Variants in NRG1 observed in about 807,000 individuals in gnomAD.
NRG1 encodes the protein pro-neuregulin-1, membrane-bound isoform.
In NRG1, 18 loss-of-function variants were observed where a neutral mutation model predicts 63.8. The observed-to-expected ratio is 0.28, with a 90% CI of 0.19 to 0.42. NRG1 has a LOEUF of 0.42. Ranked by LOEUF, NRG1 falls within the 10% of genes least tolerant of loss-of-function variation. The probability of loss-of-function intolerance (pLI) is 1.00; values close to 1 mark genes in which losing one functional copy is unlikely to be tolerated. For synonymous variants in NRG1, 302 were observed against 301.3 expected (o/e 1.00, Z -0.02); for missense variants, 762 against 814.7 (o/e 0.94, Z 0.79).
In NRG1 at chr8:32,290,906, G is replaced by T. The variant is rs529474540; in HGVS notation, c.38-304922G>T. Among the ~76,000 whole-genome samples the T allele has an allele frequency of 4.8e-5, 7 of 145,574 alleles. No individual in the cohort carries two copies. The South Asian group carries it at 1.1e-3, about 23-fold the overall frequency. ...TAGTTAGGGTTCTGCAGAGACACAG[G>T]ATGTGTGTGTGTGTGTGTGTGCATG... On this transcript the variant is annotated intron_variant, in intron 1 of 10. Coordinates refer to the NRG1 transcript ENST00000519301.
At chr8:32,096,157 C>T (rs1331986007) in intron 1 of NRG1, among the ~76,000 whole-genome samples, 1 of 152,180 alleles carries the variant, frequency 6.6e-6, no homozygotes, top group Non-Finnish European at 1.5e-5. Flanking sequence ...TGTATTTGAA[C>T]ACCAGGAGGA....
intron 1 of NRG1, among the ~76,000 whole-genome samples, chr8:31,868,609 T>G (rs776745045): frequency 6.6e-6 from 1 of 152,194 alleles, no homozygotes; most frequent in Non-Finnish European, 1.5e-5. Flanking sequence ...ATACTTAAGC[T>G]GTTTTGGTCT....
chr8:32,575,970 T>C (rs989221512), intron 1 of NRG1, among the ~76,000 whole-genome samples: 1 of 152,192 alleles, frequency 6.6e-6, no homozygotes, highest in Non-Finnish European at 1.5e-5. Context: ...TTAATATGTG[T>C]TTTATTTTTT....
rs548659866 is a variant in NRG1, at chr8:31,828,058, T to C, written c.37+188627T>C. On this transcript the variant is annotated intron_variant, in intron 1 of 10. Transcript: ENST00000519301. ...AATAATTTGAGCCTGCGAAGGTGCTTCTGCCACATATATTATCATAGTGTT... is the reference window on the plus strand; with the variant it reads ...AATAATTTGAGCCTGCGAAGGTGCTCCTGCCACATATATTATCATAGTGTT... 2.0e-5 allele frequency among the ~76,000 whole-genome samples: 3 copies of C among 152,348 alleles called. No homozygotes were observed. The East Asian group carries it at 5.8e-4, about 29-fold the overall frequency.
At chr8:31,881,068 C>A (rs914287154) in intron 1 of NRG1, among the ~76,000 whole-genome samples, 2 of 152,070 alleles carry the variant, frequency 1.3e-5, no homozygotes, top group African/African-American at 4.8e-5. Flanking sequence ...TTCATTTATT[C>A]AACATTTTTA....
At chr8:32,414,667 G>T (rs77437587) in intron 1 of NRG1, among the ~76,000 whole-genome samples, 2,525 of 152,208 alleles carry the variant, frequency 0.017, 71 homozygotes, top group African/African-American at 0.057. Context: ...TCTCCCTGTA[G>T]CAGGAGAGTA....
At chr8:32,495,245 C>T (rs1319169516) in intron 1 of NRG1, among the ~76,000 whole-genome samples, 2 of 152,138 alleles carry the variant, frequency 1.3e-5, no homozygotes, top group African/African-American at 4.8e-5. Context: ...GAAGGTCTTT[C>T]CTGTACTGTT....
chr8:32,321,677 A>G (rs1437457190), intron 1 of NRG1, among the ~76,000 whole-genome samples: 1 of 152,024 alleles, frequency 6.6e-6, no homozygotes, highest in Non-Finnish European at 1.5e-5. Context: ...AAACTGAGTA[A>G]TCATTGAAGA....
chr8:32,483,906 C>A (rs939974867), intron 1 of NRG1, among the ~76,000 whole-genome samples: 1 of 152,096 alleles, frequency 6.6e-6, no homozygotes, highest in Non-Finnish European at 1.5e-5. Context: ...AGATCGAGAC[C>A]ATCCTGGCTA....
chr8:32,465,294 T>C (rs1050827276), intron 1 of NRG1, among the ~76,000 whole-genome samples: 2 of 152,166 alleles, frequency 1.3e-5, no homozygotes, highest in African/African-American at 4.8e-5. Context: ...CTGTAATTAA[T>C]AACAAAGTCT....
chr8:31,813,036 G>A (rs986214861), intron 1 of NRG1, among the ~76,000 whole-genome samples: 1 of 152,014 alleles, frequency 6.6e-6, no homozygotes, highest in Non-Finnish European at 1.5e-5. Context: ...TCTTTTCCAC[G>A]TTCTCATCAC....
chr8:32,555,724 G>A (rs558755519), intron 1 of NRG1, among the ~76,000 whole-genome samples: 4 of 152,306 alleles, frequency 2.6e-5, no homozygotes, highest in African/African-American at 9.6e-5. Context: ...GCCCGCCTTG[G>A]CCTCCCAAAG....
At chr8:32,152,136 T>G (rs969279335) in intron 1 of NRG1, among the ~76,000 whole-genome samples, 1 of 152,336 alleles carries the variant, frequency 6.6e-6, no homozygotes, top group East Asian at 1.9e-4. Context: ...AGCTATTCCT[T>G]TAGGGGAAAG....
chr8:32,378,222 A>G (rs907399932), intron 1 of NRG1, among the ~76,000 whole-genome samples: 1 of 152,186 alleles, frequency 6.6e-6, no homozygotes, highest in African/African-American at 2.4e-5. Context: ...CCAGTGGGAA[A>G]TGAAAATGCT....
chr8:31,738,520 T>A (rs186787105), intron 1 of NRG1, among the ~76,000 whole-genome samples: 1 of 152,156 alleles, frequency 6.6e-6, no homozygotes, highest in East Asian at 1.9e-4. Context: ...TAATACACAT[T>A]ATTATCATAC....
At chr8:31,828,478 C>T (rs1824790682) in intron 1 of NRG1, among the ~76,000 whole-genome samples, 1 of 152,152 alleles carries the variant, frequency 6.6e-6, no homozygotes, top group South Asian at 2.1e-4. Flanking sequence ...ACAGATCTTC[C>T]TTTCATGCTC....
intron 1 of NRG1, among the ~76,000 whole-genome samples, chr8:31,691,740 G>A (rs11784088): frequency 0.24 from 36,381 of 150,852 alleles, 4,744 homozygotes; most frequent in African/African-American, 0.27. Context: ...GATGCTTAAT[G>A]TGCTGGTGTG....
intron 5 of NRG1, among the ~76,000 whole-genome samples, chr8:32,644,223 G>C (rs970127123): frequency 6.6e-6 from 1 of 152,198 alleles, no homozygotes; most frequent in African/African-American, 2.4e-5. Context: ...GTGATAAAAG[G>C]TTAGGTAGTA....
chr8:32,640,310 T>C (rs1315462481), intron 5 of NRG1, among the ~76,000 whole-genome samples: 5 of 148,104 alleles, frequency 3.4e-5, no homozygotes, highest in Non-Finnish European at 7.5e-5. Flanking sequence ...TTAACATTAT[T>C]TGCATTTACT....
Sources: gnomAD v4.1 joint callset for allele counts (sites outside exome capture counted in the v4.1 genomes callset) on GRCh38, gnomAD v4.1.1 for gene constraint, MANE v1.5 for transcripts, NCBI Gene and HGNC (gene_info 2026-07-23, HGNC 2026-07-21) for gene names.